SAMMSON: variants seen among roughly 807,000 people sequenced by gnomAD.
The protein encoded by SAMMSON is survival associated mitochondrial melanoma specific oncogenic non-coding RNA, also known as long intergenic non-protein coding RNA 1212.
At chr3:70,170,639 T>C (rs1316618705) in intron 4 of SAMMSON, among the ~76,000 whole-genome samples, 1 of 150,544 alleles carries the variant, frequency 6.6e-6, no homozygotes, top group African/African-American at 2.4e-5. Context: ...TCGTATTTTA[T>C]TCACTGGCTA....
chr3:70,176,884 C>A (rs1701013429), intron 4 of SAMMSON, among the ~76,000 whole-genome samples: 1 of 152,144 alleles, frequency 6.6e-6, no homozygotes, highest in South Asian at 2.1e-4. Flanking sequence ...TTTAAAATTT[C>A]TCTTCAACCG....
chr3:70,060,004 C>T (rs1331755266), intron 3 of SAMMSON, among the ~76,000 whole-genome samples: 1 of 152,000 alleles, frequency 6.6e-6, no homozygotes, highest in African/African-American at 2.4e-5. Flanking sequence ...CTATGAAGTG[C>T]TGTAGAATGT....
chr3:70,321,105 A>G (rs1255671995), intron 7 of SAMMSON, among the ~76,000 whole-genome samples: 1 of 152,022 alleles, frequency 6.6e-6, no homozygotes, highest in African/African-American at 2.4e-5. Context: ...TGGAGTAGAA[A>G]TGACACAGGA....
At chr3:70,034,295 G>A (rs2067077293) in intron 3 of SAMMSON, among the ~76,000 whole-genome samples, 1 of 152,150 alleles carries the variant, frequency 6.6e-6, no homozygotes, top group African/African-American at 2.4e-5. Context: ...GTATGTGTAT[G>A]AAGTTTGACT....
At chr3:70,050,390 G>A (rs2107589054) in intron 3 of SAMMSON, among the ~76,000 whole-genome samples, 1 of 152,226 alleles carries the variant, frequency 6.6e-6, no homozygotes, top group African/African-American at 2.4e-5. Context: ...ATGTCTTCCA[G>A]TACAGCAGAG....
At chr3:70,067,498 C>T (rs963854309) in intron 3 of SAMMSON, among the ~76,000 whole-genome samples, 1 of 151,984 alleles carries the variant, frequency 6.6e-6, no homozygotes, top group African/African-American at 2.4e-5. Flanking sequence ...CCCTCCACCT[C>T]GCCCCCACTT....
chr3:70,152,550 C>T (rs1024730436), intron 4 of SAMMSON, among the ~76,000 whole-genome samples: 1 of 151,948 alleles, frequency 6.6e-6, no homozygotes, highest in Non-Finnish European at 1.5e-5. Context: ...TTTCTGCAGA[C>T]CCCAAGGTGC....
At chr3:70,147,033 A>G (rs893556736) in intron 4 of SAMMSON, among the ~76,000 whole-genome samples, 28 of 152,080 alleles carry the variant, frequency 1.8e-4, no homozygotes, top group African/African-American at 6.5e-4. Flanking sequence ...TCATTGAAAA[A>G]TAGGAAACCA....
At chr3:70,050,473 T>A (rs2107589076) in intron 3 of SAMMSON, among the ~76,000 whole-genome samples, 1 of 152,252 alleles carries the variant, frequency 6.6e-6, no homozygotes, top group East Asian at 1.9e-4. Context: ...GATGTCTTTG[T>A]GAGTGTTTGC....
At chr3:70,070,590 T>TA (rs981711711) in intron 3 of SAMMSON, among the ~76,000 whole-genome samples, 188 of 143,180 alleles carry the variant, frequency 1.3e-3, no homozygotes, top group East Asian at 2.8e-3. Context: ...AAAAGGTTGC[T>TA]AAAAAAAAAA....
chr3:70,049,998 G>T (rs1357368238), intron 3 of SAMMSON, among the ~76,000 whole-genome samples: 1 of 152,030 alleles, frequency 6.6e-6, no homozygotes, highest in Non-Finnish European at 1.5e-5. Flanking sequence ...AAGATTCTAT[G>T]TGCCAAGCTG....
At chr3:70,347,886 TAC>T (rs1221243740) in intron 7 of SAMMSON, among the ~76,000 whole-genome samples, 2 of 152,012 alleles carry the variant, frequency 1.3e-5, no homozygotes, top group Non-Finnish European at 2.9e-5. Flanking sequence ...CTACCCAAAA[TAC>T]AAAAATTAGC....
rs115959577 is a variant in SAMMSON, at chr3:70,027,186, A to G, written n.417+13514A>G. ...TAGTTAGCTAAAATATTTGTGTCCT[A>G]TTTAGACAAAGTAATGGAGAGGGAA... On this transcript the variant is annotated intron_variant and non_coding_transcript_variant, in intron 3 of 9. Transcript: ENST00000642114. Among the ~76,000 whole-genome samples the G allele has an allele frequency of 4.4e-3, 676 of 152,312 alleles. 5 individuals carry two copies. Among genetic ancestry groups the G allele is most frequent in the African/African-American group, 0.015 (642 of 41,566 alleles).
intron 2 of SAMMSON, among the ~76,000 whole-genome samples, chr3:70,415,282 A>G (rs1701254875): frequency 6.6e-6 from 1 of 152,166 alleles, no homozygotes; most frequent in Admixed American, 6.5e-5. Context: ...TGCCCTTGGC[A>G]ATGGGTCTGC....
intron 6 of SAMMSON, among the ~76,000 whole-genome samples, chr3:70,289,735 A>G (rs1176592029): frequency 2.0e-5 from 3 of 151,880 alleles, no homozygotes; most frequent in Non-Finnish European, 4.4e-5. Flanking sequence ...ATAGTCCCAT[A>G]TTTCTTGGAG....
intron 4 of SAMMSON, among the ~76,000 whole-genome samples, chr3:70,142,685 G>GA (rs1239762208): frequency 6.6e-6 from 1 of 151,774 alleles, no homozygotes; most frequent in Non-Finnish European, 1.5e-5. Flanking sequence ...ATAACCTATG[G>GA]AAAAAAATCT....
At chr3:70,257,553 G>A (rs550076916) in intron 6 of SAMMSON, among the ~76,000 whole-genome samples, 3 of 152,190 alleles carry the variant, frequency 2.0e-5, no homozygotes, top group East Asian at 3.9e-4. Context: ...AGGAAGATAC[G>A]CTTTGCAATG....
chr3:70,115,454 C>T (rs1317218134), intron 4 of SAMMSON, among the ~76,000 whole-genome samples: 6 of 151,988 alleles, frequency 3.9e-5, no homozygotes, highest in African/African-American at 1.4e-4. Flanking sequence ...AGATCATTTC[C>T]CCAATATTCA....
At chr3:70,051,888 A>C (rs1161403091) in intron 3 of SAMMSON, among the ~76,000 whole-genome samples, 2 of 152,216 alleles carry the variant, frequency 1.3e-5, no homozygotes, top group East Asian at 3.9e-4. Context: ...ACTTGAACTC[A>C]GGAGTTCAAG....
Sources: gnomAD v4.1 joint callset for allele counts (sites outside exome capture counted in the v4.1 genomes callset) on GRCh38, gnomAD v4.1.1 for gene constraint, MANE v1.5 for transcripts, NCBI Gene and HGNC (gene_info 2026-07-23, HGNC 2026-07-21) for gene names.